HMCN1: variants seen among roughly 807,000 people sequenced by gnomAD.
HMCN1 encodes hemicentin 1, also known as hemicentin-1.
Under a neutral mutation model 625.9 loss-of-function variants are expected in HMCN1, and 321 were observed. The observed-to-expected ratio is 0.51, with a 90% CI of 0.47 to 0.56. HMCN1 has a LOEUF of 0.56. HMCN1 is among the 20% of genes least tolerant of loss of function. The probability of loss-of-function intolerance (pLI) is 0.00; values close to 1 mark genes in which losing one functional copy is unlikely to be tolerated. For synonymous variants in HMCN1, 2,425 were observed against 2,417.6 expected (o/e 1.00, Z -0.09); for missense variants, 6,588 against 6,887.3 (o/e 0.96, Z 1.54).
chr1:185,916,302 A>G (rs945076331), intron 6 of HMCN1, among the ~76,000 whole-genome samples: 4 of 152,156 alleles, frequency 2.6e-5, no homozygotes, highest in Non-Finnish European at 4.4e-5. Context: ...ATACTTTGAA[A>G]AGAGGTCGAC....
At chr1:186,039,597 AAG>A (rs1425512589) in intron 38 of HMCN1, 129 bp from the exon 39 acceptor site, 9 of 926,470 alleles carry the variant, frequency 9.7e-6, no homozygotes, top group Non-Finnish European at 1.6e-5. Context: ...AGAGATGTGA[AAG>A]AACTTACCAA....
At chr1:186,154,682 A>G (rs553988318) in intron 97 of HMCN1, among the ~76,000 whole-genome samples, 25 of 152,344 alleles carry the variant, frequency 1.6e-4, no homozygotes, top group African/African-American at 5.8e-4. Context: ...CTAGTCAAAA[A>G]GAATTTCTAT....
At chr1:186,091,190 G>GGCA (rs1659824496) in intron 64 of HMCN1, among the ~76,000 whole-genome samples, 3 of 151,908 alleles carry the variant, frequency 2.0e-5, no homozygotes, top group Admixed American at 2.0e-4. Context: ...TAACTGTAAT[G>GGCA]TTAACTGTTG....
At chr1:186,085,174 A>T (rs563288982) in intron 57 of HMCN1, among the ~76,000 whole-genome samples, 2 of 152,204 alleles carry the variant, frequency 1.3e-5, no homozygotes, top group Admixed American at 1.3e-4. Flanking sequence ...CACTATAGTG[A>T]TTCTCTTAAA....
At chr1:185,978,211 C>T in intron 16 of HMCN1, 2 of 466,380 alleles carry the variant, frequency 4.3e-6, no homozygotes, top group South Asian at 2.7e-5. Flanking sequence ...GCTTATGAAA[C>T]AATATGACTT....
rs139453696 is a variant in HMCN1 at position 186,027,980 on chromosome 1, T to A, written c.5749+4827T>A. 2.2e-3 allele frequency among the ~76,000 whole-genome samples: 334 copies of A among 152,292 alleles called. 11 individuals carry two copies. In the South Asian group the frequency reaches 0.04, roughly 18 times the overall value. ...GGAATGTTGCAGGGAACCTTTTTCT[T>A]TTTTCATGGGTAACTTCGGTTCAAG... On this transcript the variant is annotated intron_variant, in intron 36 of 106. Transcript: ENST00000271588.
chr1:185,774,380 G>A (rs1656457822), intron 1 of HMCN1, among the ~76,000 whole-genome samples: 2 of 152,180 alleles, frequency 1.3e-5, no homozygotes, highest in Admixed American at 1.3e-4. Context: ...ACTACAGGAG[G>A]AAAGATGGGA....
At chr1:185,741,005 C>T (rs114441184) in intron 1 of HMCN1, among the ~76,000 whole-genome samples, 3,373 of 152,078 alleles carry the variant, frequency 0.022, 68 homozygotes, top group African/African-American at 0.05. Flanking sequence ...AAAACAAAAA[C>T]GAAAACAAAA....
intron 1 of HMCN1, among the ~76,000 whole-genome samples, chr1:185,841,668 C>T (rs1021655903): frequency 6.6e-6 from 1 of 152,256 alleles, no homozygotes; most frequent in East Asian, 1.9e-4. Context: ...ATGATTAAAG[C>T]AATCAGGCAA....
chr1:185,737,784 A>G (rs1260479970), intron 1 of HMCN1, among the ~76,000 whole-genome samples: 1 of 152,218 alleles, frequency 6.6e-6, no homozygotes, highest in East Asian at 1.9e-4. Flanking sequence ...TCTGGGATAT[A>G]TTCTATGTCT....
chr1:186,177,356 G>A (rs1652663672), intron 103 of HMCN1: 1 of 151,756 alleles, frequency 6.6e-6, no homozygotes, highest in African/African-American at 2.4e-5. Context: ...CTGAGCGAGT[G>A]TATTTCAGGC....
chr1:186,165,245 C>A, intron 98 of HMCN1, 72 bp downstream of exon 98: 1 of 1,262,286 alleles, frequency 7.9e-7, no homozygotes, highest in South Asian at 1.2e-5. Flanking sequence ...TAATGGGTAT[C>A]TATTGCCCTT....
At chr1:185,997,631 T>C (rs1652893561) in intron 25 of HMCN1, 107 bp downstream of exon 25, 2 of 799,490 alleles carry the variant, frequency 2.5e-6, no homozygotes, top group Admixed American at 1.9e-5. Context: ...CAATCCTTGG[T>C]AGAACATTTG....
chr1:185,806,279 C>A (rs543746211), intron 1 of HMCN1, among the ~76,000 whole-genome samples: 1 of 152,210 alleles, frequency 6.6e-6, no homozygotes, highest in African/African-American at 2.4e-5. Context: ...CACACTCAGA[C>A]TCTGGAGCCC....
intron 92 of HMCN1, 43 bp from the exon 93 acceptor site, chr1:186,145,710 G>C (rs778226001): frequency 0.013 from 21,128 of 1,613,878 alleles, 178 homozygotes; most frequent in Middle Eastern, 0.023. Flanking sequence ...TGAAGATTTT[G>C]AAGCCAATTT....
chr1:186,098,130 A>T (rs1300324328), intron 68 of HMCN1, among the ~76,000 whole-genome samples: 1 of 152,090 alleles, frequency 6.6e-6, no homozygotes, highest in Non-Finnish European at 1.5e-5. Context: ...ACACTTCATG[A>T]TATTGGACTA....
chr1:186,074,062 G>A (rs1658643209), intron 52 of HMCN1, among the ~76,000 whole-genome samples: 1 of 152,000 alleles, frequency 6.6e-6, no homozygotes, highest in Non-Finnish European at 1.5e-5. Context: ...TAGAAGGAAT[G>A]ATAGTGAGCC....
intron 21 of HMCN1, among the ~76,000 whole-genome samples, chr1:185,989,916 C>T (rs1030041227): frequency 5.9e-5 from 9 of 151,784 alleles, no homozygotes; most frequent in South Asian, 2.1e-4. Flanking sequence ...ATGCTTATTG[C>T]ACCCAACCCT....
chr1:186,145,324 A>C, intron 91 of HMCN1, 79 bp from the exon 92 acceptor site: 1 of 1,394,556 alleles, frequency 7.2e-7, no homozygotes, highest in Non-Finnish European at 9.7e-7. Context: ...TTTTTTTAAT[A>C]CTTTTTGGAT....
Sources: gnomAD v4.1 joint callset for allele counts (sites outside exome capture counted in the v4.1 genomes callset) on GRCh38, gnomAD v4.1.1 for gene constraint, MANE v1.5 for transcripts, NCBI Gene and HGNC (gene_info 2026-07-23, HGNC 2026-07-21) for gene names.